Variants in EXD3 observed in about 807,000 individuals in gnomAD.
EXD3 encodes the protein exonuclease mut-7 homolog.
EXD3 carries 92 observed loss-of-function variants against 98.0 expected under a neutral mutation model. That is an observed-to-expected ratio of 0.94 (90% CI 0.79 to 1.12). The LOEUF (loss-of-function observed/expected upper bound fraction) is 1.12, where lower values mean the gene tolerates loss of function less well. Ranked by LOEUF, EXD3 falls within the 50% of genes most tolerant of loss-of-function variation. EXD3 has a pLI of 0.00. For synonymous variants in EXD3, 569 were observed against 526.0 expected (o/e 1.08, Z -1.12); for missense variants, 1,222 against 1,191.6 (o/e 1.03, Z -0.38).
intron 2 of EXD3, among the ~76,000 whole-genome samples, chr9:137,383,584 C>T (rs936256442): frequency 6.6e-6 from 1 of 152,214 alleles, no homozygotes; most frequent in South Asian, 2.1e-4. Context: ...CCCTGTGGCC[C>T]GTGGCCGCCC....
In EXD3 at chr9:137,349,039, T is replaced by G; in HGVS notation, c.1830+71A>C. ...CCCAGTGGCCTTGTCTCCATGCAGG[T>G]CCTTGGTTTATGGACAGGGATCTCC... On this transcript the variant is annotated intron_variant, in intron 16 of 21. Coordinates refer to ENST00000340951, the MANE Select transcript of EXD3 (RefSeq NM_017820.5). This position sits in a 1 kb window ranked among gnomAD's most constrained non-coding sequence, Gnocchi z 7.4. 3.3e-6 allele frequency: 5 copies of G among 1,493,326 alleles called. No homozygotes were observed. The highest frequency in any genetic ancestry group is 4.5e-6 in the Non-Finnish European group (5 of 1,123,480). 92.5% of individuals were successfully genotyped at this position (1,493,326 alleles called of 1,614,324 possible).
At chr9:137,412,421 C>T (rs1201681561) in intron 1 of EXD3, among the ~76,000 whole-genome samples, 2 of 152,228 alleles carry the variant, frequency 1.3e-5, no homozygotes, top group African/African-American at 4.8e-5. Context: ...TCACTTGTTT[C>T]TCAGTTTTTA....
chr9:137,351,162 C>T lies in EXD3; in HGVS notation c.1385-15G>A. The stretch of plus-strand genomic sequence containing the variant: ...CATCCCGTAGCCTGTGGGCAGGAAC[C>T]ATCGTGGGAGGGGCGCCTGCAGGCA... On this transcript the variant is annotated splice_polypyrimidine_tract_variant and intron_variant, in intron 13 of 21. Coordinates refer to ENST00000340951, the MANE Select transcript of EXD3 (RefSeq NM_017820.5). 6.4e-7 allele frequency: 1 copy of T among 1,561,222 alleles called. No individual in the cohort carries two copies. The highest frequency in any genetic ancestry group is 8.7e-7 in the Non-Finnish European group (1 of 1,153,460).
chr9:137,342,812 G>C (rs927498162), intron 17 of EXD3, among the ~76,000 whole-genome samples: 4 of 152,152 alleles, frequency 2.6e-5, no homozygotes, highest in Non-Finnish European at 5.9e-5. Context: ...ATGGAAAGAT[G>C]CTCAACTTCA....
chr9:137,396,788 G>A (rs768982304), intron 1 of EXD3, among the ~76,000 whole-genome samples: 4 of 152,346 alleles, frequency 2.6e-5, no homozygotes, highest in Non-Finnish European at 4.4e-5. Context: ...CTCCACCGTC[G>A]GGGAGGGACT....
chr9:137,368,005 G>A lies in EXD3; in HGVS notation c.463-16C>T. ...GCGTGGCTGCCTGGCAAACACAAAG[G>A]CGGCAGATTACTCAGGGCCTGGGAG... On this transcript the variant is annotated splice_polypyrimidine_tract_variant and intron_variant, in intron 5 of 21. Transcript: ENST00000340951. The A allele has an allele frequency of 6.2e-7, 1 of 1,605,672 alleles. No homozygotes were observed. Among genetic ancestry groups the A allele is most frequent in the Non-Finnish European group, 8.5e-7 (1 of 1,178,994 alleles).
intron 17 of EXD3, among the ~76,000 whole-genome samples, chr9:137,337,566 G>A (rs988201930): frequency 9.9e-5 from 15 of 151,826 alleles, no homozygotes; most frequent in Non-Finnish European, 2.1e-4. Flanking sequence ...CAGGAGAATT[G>A]CTTGAACCCG....
At chr9:137,364,897 T>C (rs1288332393) in intron 7 of EXD3, among the ~76,000 whole-genome samples, 1 of 150,754 alleles carries the variant, frequency 6.6e-6, no homozygotes, top group Non-Finnish European at 1.5e-5. Flanking sequence ...GCCTCCCGAG[T>C]AGCTGGGACT....
intron 1 of EXD3, among the ~76,000 whole-genome samples, chr9:137,399,167 C>T (rs925725784): frequency 1.3e-5 from 2 of 152,242 alleles, no homozygotes; most frequent in East Asian, 1.9e-4. Flanking sequence ...GTCATGGTAA[C>T]GCCCCTCTAC....
Position 137,383,202 on chromosome 9 carries a change from G to C in EXD3, c.120+111C>G, listed in dbSNP as rs1053562856. ...AGCTGTGCAGGACCCTGTGGCCGTG[G>C]GGGGCTGTGCAGCTTCCTGACCAGG... On this transcript the variant is annotated intron_variant, in intron 3 of 21. Coordinates refer to ENST00000340951, the MANE Select transcript of EXD3 (RefSeq NM_017820.5). 7.8e-6 allele frequency: 7 copies of C among 892,498 alleles called. No individual in the cohort carries two copies. In the South Asian group the frequency reaches 1.1e-4, roughly 14 times the overall value. The allele number at this position is 892,498 out of a possible 1,614,324, so 55.3% of individuals were successfully genotyped here.
chr9:137,317,841 C>T (rs924487019), intron 19 of EXD3, among the ~76,000 whole-genome samples: 16 of 152,194 alleles, frequency 1.1e-4, no homozygotes, highest in African/African-American at 3.4e-4. Flanking sequence ...GAGGGCCCGT[C>T]TTCCTCCAGA....
rs1043642364 is a variant in EXD3, at chr9:137,349,667, G to A, written c.1495-136C>T. On this transcript the variant is annotated intron_variant, in intron 14 of 21. Coordinates refer to ENST00000340951, the MANE Select transcript of EXD3 (RefSeq NM_017820.5). The surrounding 1 kb of genome is among the most constrained non-coding windows in gnomAD (Gnocchi z 7.4). The stretch of plus-strand genomic sequence containing the variant: ...CACCAGCGGCCCCCACAGCAGAGAC[G>A]GGGAGAAGGAGCGGACACATCCGAG... The A allele has an allele frequency of 1.4e-4, 138 of 961,168 alleles. 1 individual carries two copies. The highest frequency in any genetic ancestry group is 1.9e-4 in the Non-Finnish European group (132 of 684,780). The allele number at this position is 961,168 out of a possible 1,614,324, so 59.5% of individuals were successfully genotyped here.
chr9:137,402,740 C>T (rs965421473), intron 1 of EXD3, among the ~76,000 whole-genome samples: 17 of 152,266 alleles, frequency 1.1e-4, no homozygotes, highest in African/African-American at 2.6e-4. Context: ...CAATTTACTG[C>T]GTTAGCCCGT....
intron 17 of EXD3, among the ~76,000 whole-genome samples, chr9:137,341,605 G>A (rs1224407704): frequency 4.6e-4 from 42 of 90,430 alleles, no homozygotes; most frequent in East Asian, 7.2e-4. Context: ...ACCAGGAGCC[G>A]TCTCCCAGGA....
At chr9:137,316,412 G>A (rs1271775643) in intron 19 of EXD3, among the ~76,000 whole-genome samples, 5 of 152,042 alleles carry the variant, frequency 3.3e-5, no homozygotes, top group African/African-American at 1.2e-4. Context: ...CGGGGTCGCT[G>A]GGGGACTCGG....
Position 137,307,642 on chromosome 9 carries a change from G to C in EXD3, c.2283C>G (p.Asp761Glu). ...SHQEGPRSSG[D>E]EATQSQAVQE... ...GCACCGCCTGGCTCTGGGTGGCCTC[G>C]TCACCTGTCAGTCAAGGAAGAGAGC... is the stretch of plus-strand genomic sequence containing the variant. Residue 761 changes from aspartate (D) to glutamate (E), a missense_variant, in exon 21 of 22, where the codon GAC becomes GAG. By Grantham distance (45) the Asp-to-Glu change is conservative. Transcript: ENST00000340951. The C allele has an allele frequency of 6.2e-7, 1 of 1,609,666 alleles. No homozygotes were observed. Among genetic ancestry groups the C allele is most frequent in the Non-Finnish European group, 8.5e-7 (1 of 1,179,664 alleles).
Position 137,395,419 on chromosome 9 carries a change from A to T in EXD3, c.-47-15T>A. 3.7e-6 allele frequency: 6 copies of T among 1,610,750 alleles called. No homozygotes were observed. Among genetic ancestry groups the T allele is most frequent in the Non-Finnish European group, 5.1e-6 (6 of 1,178,382 alleles). ...GGAACGAGGATCTGCAGAAACAGAC[A>T]ATCAGGTGAATGCAGAGCCCACTGC... On this transcript the variant is annotated splice_polypyrimidine_tract_variant and intron_variant, in intron 1 of 21. Coordinates refer to ENST00000340951, the MANE Select transcript of EXD3 (RefSeq NM_017820.5). The surrounding 1 kb of genome is among the most constrained non-coding windows in gnomAD (Gnocchi z 6.5).
intron 1 of EXD3, among the ~76,000 whole-genome samples, chr9:137,414,443 G>A (rs560428600): frequency 2.5e-4 from 38 of 152,246 alleles, no homozygotes; most frequent in Admixed American, 2.3e-3. Flanking sequence ...TGTGTGGAGT[G>A]TGTTTTCACT....
intron 10 of EXD3, chr9:137,353,769 G>A: frequency 1.0e-6 from 1 of 985,692 alleles, no homozygotes; most frequent in Non-Finnish European, 1.2e-6. Context: ...GGGAAGGGAG[G>A]GGACCTGCCC....
Sources: allele counts gnomAD v4.1 joint callset (sites outside exome capture counted in the v4.1 genomes callset), GRCh38; gene constraint gnomAD v4.1.1; non-coding constraint Gnocchi (gnomAD v3.1); transcripts MANE v1.5; gene names NCBI Gene and HGNC (gene_info 2026-07-23, HGNC 2026-07-21).